The following PHIP variants were observed in gnomAD, a reference collection of about 807,000 sequenced individuals.
PHIP encodes the protein PH-interacting protein.
Under a neutral mutation model 236.8 loss-of-function variants are expected in PHIP, and 54 were observed. The ratio of observed to expected loss-of-function variants is 0.23; its 90% CI spans 0.18 to 0.29. PHIP has a LOEUF of 0.29. PHIP is among the 10% of genes least tolerant of loss of function. The pLI is 1.00. For synonymous variants in PHIP, 756 were observed against 718.9 expected (o/e 1.05, Z -0.83); for missense variants, 1,370 against 2,190.8 (o/e 0.63, Z 7.48).
intron 24 of PHIP, among the ~76,000 whole-genome samples, chr6:78,977,859 G>T (rs982189521): frequency 1.2e-4 from 19 of 152,024 alleles, no homozygotes; most frequent in African/African-American, 4.1e-4. Context: ...AAAAGTTTTT[G>T]TTTTCTTTTT....
chr6:79,029,134 T>C (rs1771538778), intron 7 of PHIP, among the ~76,000 whole-genome samples: 1 of 152,316 alleles, frequency 6.6e-6, no homozygotes, highest in South Asian at 2.1e-4. Context: ...TTATCTCAAT[T>C]AACCTTTCTT....
intron 33 of PHIP, 52 bp downstream of exon 33, chr6:78,955,561 T>C: frequency 1.5e-6 from 1 of 650,372 alleles, no homozygotes; most frequent in South Asian, 2.0e-5. Flanking sequence ...AATATGTAAA[T>C]TTTTTTATAT....
In PHIP at chr6:79,065,892, T is replaced by A. The variant is rs190336406; in HGVS notation, c.190-5074A>T. Among the ~76,000 whole-genome samples, 97 of 152,200 alleles carry A rather than the reference T, an allele frequency of 6.4e-4. 1 individual carries two copies. The South Asian group carries it at 8.1e-3, about 13-fold the overall frequency. ...TATAAACATATTAATCATATTCATA[T>A]TCTTCATAAATATTAATCCATTATT... On this transcript the variant is annotated intron_variant, in intron 4 of 39. Transcript: ENST00000275034.
At chr6:79,044,345 T>G (rs1772366673) in intron 6 of PHIP, among the ~76,000 whole-genome samples, 1 of 152,200 alleles carries the variant, frequency 6.6e-6, no homozygotes, top group Non-Finnish European at 1.5e-5. Context: ...ATATTTAGGC[T>G]TAAGTTGGTT....
rs997433595 is a variant in PHIP, at chr6:78,934,904, T to C, written c.*5789A>G. On this transcript the variant is annotated 3_prime_UTR_variant, in exon 40 of 40. Transcript: ENST00000275034. ...ACCAATTAGGTAGAAAGGTATTTCATTGAATGACTTCCACCATTCTTTTCC... is the reference window on the plus strand; with the variant it reads ...ACCAATTAGGTAGAAAGGTATTTCACTGAATGACTTCCACCATTCTTTTCC... Among the ~76,000 whole-genome samples the C allele has an allele frequency of 6.6e-5, 10 of 152,178 alleles. No homozygotes were observed. Among genetic ancestry groups the C allele is most frequent in the African/African-American group, 1.7e-4 (7 of 41,440 alleles).
chr6:78,979,503 A>G (rs555294455), intron 23 of PHIP, among the ~76,000 whole-genome samples: 1 of 152,092 alleles, frequency 6.6e-6, no homozygotes. Flanking sequence ...TGCAACATGT[A>G]GAAAGCTAAT....
At chr6:79,047,484 G>A (rs1288776174) in intron 6 of PHIP, among the ~76,000 whole-genome samples, 3 of 152,054 alleles carry the variant, frequency 2.0e-5, no homozygotes, top group Admixed American at 6.5e-5. Context: ...TTTCGCAAAG[G>A]TTTACCTCAA....
intron 17 of PHIP, among the ~76,000 whole-genome samples, chr6:78,999,278 A>C (rs1452175903): frequency 6.6e-6 from 1 of 152,130 alleles, no homozygotes; most frequent in Non-Finnish European, 1.5e-5. Context: ...TTTGAACACA[A>C]TATTCCCACT....
At chr6:78,973,213 G>A (rs1030168646) in intron 24 of PHIP, among the ~76,000 whole-genome samples, 2 of 151,798 alleles carry the variant, frequency 1.3e-5, no homozygotes, top group Non-Finnish European at 1.5e-5. Context: ...AGAGAGTGGG[G>A]GCCAATATTC....
chr6:79,060,500 G>A lies in PHIP; in HGVS notation c.417C>T (p.Asn139=), dbSNP rs1296501238. The A allele has an allele frequency of 3.1e-6, 5 of 1,613,320 alleles. No homozygotes were observed. Among genetic ancestry groups the A allele is most frequent in the Non-Finnish European group, 4.2e-6 (5 of 1,179,590 alleles). Residue 139 remains asparagine, a synonymous_variant, in exon 6 of 40, where the codon AAC becomes AAT. Coordinates refer to ENST00000275034, the MANE Select transcript of PHIP (RefSeq NM_017934.7). The stretch of plus-strand genomic sequence containing the variant: ...CACCAATGCTGGGTGGGCTACCATA[G>A]TTAACTGGTGACTCAGGTGGTCTTC... ...HCGRPPESPV[N]YGSPPSIADT...
chr6:78,946,457 T>C lies in PHIP; in HGVS notation c.4371-197A>G. 3 of 1,403,748 alleles carry C rather than the reference T, an allele frequency of 2.1e-6. No individual in the cohort carries two copies. In the South Asian group the frequency reaches 5.0e-5, roughly 24 times the overall value. The allele number at this position is 1,403,748 out of a possible 1,614,324, so 87.0% of individuals were successfully genotyped here. A position where few individuals can be genotyped will look rare whatever the true frequency, so the allele number is the denominator to read the frequency against. On this transcript the variant is annotated intron_variant, in intron 37 of 39. Coordinates refer to ENST00000275034, the MANE Select transcript of PHIP (RefSeq NM_017934.7). ...GATCGCTGTAAATGCTAAAGTTATA[T>C]GACGGAAAGCATGATGCCATCACTA...
chr6:78,945,459 T>C lies in PHIP; in HGVS notation c.4669A>G (p.Thr1557Ala). 6.2e-7 allele frequency: 1 copy of C among 1,610,518 alleles called. No individual in the cohort carries two copies. The highest frequency in any genetic ancestry group is 1.3e-5 in the African/African-American group (1 of 74,938). The change falls in exon 39 of 40, where the codon ACT (threonine) becomes GCT (alanine). Residue 1557 changes from threonine to alanine, a missense_variant. By Grantham distance (58) the Thr-to-Ala change is moderately conservative (BLOSUM62 0). Around this residue, in one of 14 missense-constraint regions of PHIP, gnomAD observed 309 missense variants for 328.3 expected, o/e 0.94. Transcript: ENST00000275034. Reference protein sequence around the residue: ...NSVKHSKALNTLSSPGQSSFS... With the variant: ...NSVKHSKALNALSSPGQSSFS... ...CTGGATTGACCAGGACTGGAAAGAGTATTCAAAGCTTTGGAATGTTTCACA... is the reference window on the plus strand; with the variant it reads ...CTGGATTGACCAGGACTGGAAAGAGCATTCAAAGCTTTGGAATGTTTCACA...
chr6:79,001,876 T>C, intron 17 of PHIP, 23 bp downstream of exon 17: 2 of 1,489,374 alleles, frequency 1.3e-6, no homozygotes, highest in Non-Finnish European at 1.9e-6. Flanking sequence ...AAAATTTGAT[T>C]GTCTAAGAAA....
chr6:79,003,689 A>T lies in PHIP; in HGVS notation c.1653+41T>A, dbSNP rs201930865. On this transcript the variant is annotated intron_variant, in intron 16 of 39. Coordinates refer to ENST00000275034, the MANE Select transcript of PHIP (RefSeq NM_017934.7). ...AACATACAACCCCTAAACATGCATT[A>T]AAAAAAAATAAGGACATGATATATA... The T allele has an allele frequency of 1.6e-5, 19 of 1,202,150 alleles. No homozygotes were observed. The African/African-American group carries it at 2.8e-4, about 18-fold the overall frequency. 74.5% of individuals were successfully genotyped at this position (1,202,150 alleles called of 1,614,324 possible). A position where few individuals can be genotyped will look rare whatever the true frequency, so the allele number is the denominator to read the frequency against.
chr6:78,945,503 A>G lies in PHIP; in HGVS notation c.4631-6T>C, dbSNP rs751236142. 52 of 1,540,888 alleles carry G rather than the reference A, an allele frequency of 3.4e-5. No individual in the cohort carries two copies. The highest frequency in any genetic ancestry group is 3.4e-5 in the Non-Finnish European group (38 of 1,119,576). ...TTTCACAGAATTCTCTAGTACTAAA[A>G]CATACAAACAAAATTTAAAAATTAA... On this transcript the variant is annotated splice_region_variant and splice_polypyrimidine_tract_variant and intron_variant, in intron 38 of 39. Transcript: ENST00000275034.
At chr6:79,038,335 C>T (rs960224921) in intron 7 of PHIP, among the ~76,000 whole-genome samples, 1 of 152,208 alleles carries the variant, frequency 6.6e-6, no homozygotes, top group East Asian at 1.9e-4. Flanking sequence ...ACATGGCTCC[C>T]CTGAGCCTCT....
intron 9 of PHIP, among the ~76,000 whole-genome samples, chr6:79,020,383 G>A (rs960606376): frequency 1.3e-5 from 2 of 152,104 alleles, no homozygotes; most frequent in East Asian, 1.9e-4. Context: ...TAACAGATGA[G>A]CAGAACAAAT....
At position 78,935,521 on chromosome 6, in the gene PHIP, G is replaced by GA; in HGVS notation, c.*5171dup. 19 of 974,518 alleles carry GA rather than the reference G, an allele frequency of 1.9e-5. No individual in the cohort carries two copies. The highest frequency in any genetic ancestry group is 1.5e-5 in the Non-Finnish European group (12 of 820,198). 60.4% of individuals were successfully genotyped at this position (974,518 alleles called of 1,614,324 possible). A position where few individuals can be genotyped will look rare whatever the true frequency, so the allele number is the denominator to read the frequency against. On this transcript the variant is annotated 3_prime_UTR_variant, in exon 40 of 40. Coordinates refer to ENST00000275034, the MANE Select transcript of PHIP (RefSeq NM_017934.7). ...TGTTCCACTGAAATGTATCTCTTACGAAAGTATCTGAATAGTGAAGTATTT... is the reference window on the plus strand; with the variant it reads ...TGTTCCACTGAAATGTATCTCTTACGAAAAGTATCTGAATAGTGAAGTATTT...
In PHIP at chr6:78,936,171, C is replaced by T. The variant is rs1192022410; in HGVS notation, c.*4522G>A. The stretch of plus-strand genomic sequence containing the variant: ...TAATTTGTTTTAAAACTCTGTGTTA[C>T]TTATTACATACAACAGATCTGCTTG... On this transcript the variant is annotated 3_prime_UTR_variant, in exon 40 of 40. Transcript: ENST00000275034. 3 of 152,048 alleles carry T rather than the reference C, an allele frequency of 2.0e-5. No individual in the cohort carries two copies. The East Asian group carries it at 5.8e-4, about 29-fold the overall frequency. 9.4% of individuals were successfully genotyped at this position (152,048 alleles called of 1,614,324 possible).
Sources: allele counts gnomAD v4.1 joint callset (sites outside exome capture counted in the v4.1 genomes callset), GRCh38; gene constraint gnomAD v4.1.1; regional missense constraint gnomAD v4.1.1; transcripts MANE v1.5; gene names NCBI Gene and HGNC (gene_info 2026-07-23, HGNC 2026-07-21).